The following ARHGAP26 variants were observed in gnomAD, a reference collection of about 807,000 sequenced individuals.
ARHGAP26 encodes the protein Rho GTPase activating protein 26, also known as rho GTPase-activating protein 26.
ARHGAP26 carries 38 observed loss-of-function variants against 104.8 expected under a neutral mutation model. That is an observed-to-expected ratio of 0.36 (90% CI 0.28 to 0.48). ARHGAP26 has a LOEUF of 0.48. Among genes scored for constraint, ARHGAP26 ranks in the 20% least tolerant of loss-of-function variants. ARHGAP26 has a pLI of 0.99. For synonymous variants in ARHGAP26, 341 were observed against 340.0 expected, an observed-to-expected ratio of 1.00 and a Z score of -0.03; for missense variants, 704 against 947.9, an observed-to-expected ratio of 0.74 and a Z score of 3.38.
intron 11 of ARHGAP26, among the ~76,000 whole-genome samples, chr5:142,963,198 A>ACACACACATATATATATGTATATATATG (rs1770683883): frequency 1.0e-5 from 1 of 98,356 alleles, no homozygotes; most frequent in African/African-American, 6.1e-5. Context: ...ATATATATAT[A>ACACACACATATATATATGTATATATATG]TGTGTGTGTG....
intron 17 of ARHGAP26, among the ~76,000 whole-genome samples, chr5:143,061,108 A>G (rs1425617608): frequency 6.6e-6 from 1 of 152,188 alleles, no homozygotes; most frequent in Non-Finnish European, 1.5e-5. Flanking sequence ...TTAGTTTTGC[A>G]TGATTTACTT....
At chr5:143,094,356 C>T (rs547711322) in intron 17 of ARHGAP26, among the ~76,000 whole-genome samples, 1 of 152,130 alleles carries the variant, frequency 6.6e-6, no homozygotes, top group Non-Finnish European at 1.5e-5. Flanking sequence ...TTTTTTCCCT[C>T]GCGTTGCTGA....
chr5:143,081,078 C>T (rs1789741705), intron 17 of ARHGAP26, among the ~76,000 whole-genome samples: 1 of 152,044 alleles, frequency 6.6e-6, no homozygotes, highest in Non-Finnish European at 1.5e-5. Context: ...GAGGTCTTGT[C>T]TTGTTTTATT....
chr5:143,048,241 T>G (rs4912893), intron 14 of ARHGAP26, among the ~76,000 whole-genome samples: 1 of 151,936 alleles, frequency 6.6e-6, no homozygotes, highest in Non-Finnish European at 1.5e-5. Context: ...TTAAACTTTA[T>G]GGTGCATTTG....
At chr5:143,194,320 T>G (rs1324389351) in intron 20 of ARHGAP26, among the ~76,000 whole-genome samples, 4 of 152,182 alleles carry the variant, frequency 2.6e-5, no homozygotes, top group Non-Finnish European at 4.4e-5. Flanking sequence ...TGGACTGGAA[T>G]GGTAAAAGGT....
chr5:142,844,589 G>A (rs762877824), intron 1 of ARHGAP26, among the ~76,000 whole-genome samples: 87 of 151,948 alleles, frequency 5.7e-4, no homozygotes, highest in Non-Finnish European at 9.1e-4. Flanking sequence ...TTTAGGCTGG[G>A]CGTAGTGGCT....
intron 3 of ARHGAP26, among the ~76,000 whole-genome samples, chr5:142,878,557 G>T (rs201430334): frequency 4.8e-5 from 7 of 144,878 alleles, no homozygotes; most frequent in Non-Finnish European, 1.0e-4. Context: ...GTGTGTGTGT[G>T]TATAAATGTG....
At position 143,133,164 on chromosome 5, in the gene ARHGAP26, A is replaced by G. The variant is rs370415054; in HGVS notation, c.1699-803A>G. On this transcript the variant is annotated intron_variant, in intron 18 of 22. Transcript: ENST00000645722. ...AAAGATGAGAGTTGTCATGATTTCTATCATTTTCTTCTCATTTTTTAGCAT... is the reference window on the plus strand; with the variant it reads ...AAAGATGAGAGTTGTCATGATTTCTGTCATTTTCTTCTCATTTTTTAGCAT... Among the ~76,000 whole-genome samples, 12 of 152,318 alleles carry G rather than the reference A, an allele frequency of 7.9e-5. No homozygotes were observed. The South Asian group carries it at 1.4e-3, about 18-fold the overall frequency.
In ARHGAP26 at chr5:142,828,144, C is replaced by T. The variant is rs578086857; in HGVS notation, c.155-45256C>T. On this transcript the variant is annotated intron_variant, in intron 1 of 22. Coordinates refer to ENST00000645722, the MANE Select transcript of ARHGAP26 (RefSeq NM_001135608.3). ...ATTGTTTCCTTATCAGGCCCTCAACCTGGACCTCCCTGGGAGCCGCTGGCA... is the reference window on the plus strand; with the variant it reads ...ATTGTTTCCTTATCAGGCCCTCAACTTGGACCTCCCTGGGAGCCGCTGGCA... Among the ~76,000 whole-genome samples the T allele has an allele frequency of 4.6e-5, 7 of 152,290 alleles. No individual in the cohort carries two copies. The East Asian group carries it at 1.3e-3, about 29-fold the overall frequency.
At chr5:142,971,036 G>C (rs143263644) in intron 11 of ARHGAP26, among the ~76,000 whole-genome samples, 3,185 of 152,278 alleles carry the variant, frequency 0.021, 35 homozygotes, top group Non-Finnish European at 0.033. Context: ...AAATTTTTTA[G>C]GTGGCATTGG....
chr5:142,896,063 G>A (rs1049472832), intron 6 of ARHGAP26, among the ~76,000 whole-genome samples: 2 of 152,146 alleles, frequency 1.3e-5, no homozygotes, highest in African/African-American at 4.8e-5. Context: ...GGGTCTGTTA[G>A]GTGTGAGCAG....
At chr5:143,212,822 C>G (rs1172880686) in intron 21 of ARHGAP26, among the ~76,000 whole-genome samples, 5 of 152,188 alleles carry the variant, frequency 3.3e-5, no homozygotes, top group Non-Finnish European at 5.9e-5. Context: ...CCTCACTGCA[C>G]GTTGGAATTA....
At chr5:143,057,318 C>T (rs536888432) in intron 16 of ARHGAP26, among the ~76,000 whole-genome samples, 1 of 152,212 alleles carries the variant, frequency 6.6e-6, no homozygotes, top group Non-Finnish European at 1.5e-5. Flanking sequence ...TGAAGTCTTC[C>T]CTCTAGGGAG....
chr5:142,900,400 C>G (rs979733119), intron 6 of ARHGAP26, among the ~76,000 whole-genome samples: 1 of 152,168 alleles, frequency 6.6e-6, no homozygotes, highest in Non-Finnish European at 1.5e-5. Context: ...AATGCCTACT[C>G]TCCCACCACC....
At chr5:142,891,972 G>A (rs1320037524) in intron 5 of ARHGAP26, among the ~76,000 whole-genome samples, 1 of 151,900 alleles carries the variant, frequency 6.6e-6, no homozygotes, top group African/African-American at 2.4e-5. Flanking sequence ...AACTCCATAC[G>A]TGGAGTTTCT....
chr5:143,135,956 C>G (rs2150911558), intron 19 of ARHGAP26, among the ~76,000 whole-genome samples: 1 of 152,316 alleles, frequency 6.6e-6, no homozygotes, highest in South Asian at 2.1e-4. Context: ...ACTGGCCTCA[C>G]TCACACCTGC....
In ARHGAP26 at chr5:142,895,931, G is replaced by A. The variant is rs569497018; in HGVS notation, c.597+1583G>A. On this transcript the variant is annotated intron_variant, in intron 6 of 22. Coordinates refer to ENST00000645722, the MANE Select transcript of ARHGAP26 (RefSeq NM_001135608.3). The stretch of plus-strand genomic sequence containing the variant: ...ATACCACTCCCAGCTACCTCATTTG[G>A]CAGATTCCTTAAAGTCGTCAATTAC... Among the ~76,000 whole-genome samples, 27 of 152,256 alleles carry A rather than the reference G, an allele frequency of 1.8e-4. No homozygotes were observed. In the South Asian group the frequency reaches 5.6e-3, roughly 32 times the overall value.
intron 10 of ARHGAP26, among the ~76,000 whole-genome samples, chr5:142,927,974 T>C (rs1764157118): frequency 6.6e-6 from 1 of 152,246 alleles, no homozygotes; most frequent in South Asian, 2.1e-4. Context: ...TATGAAGTGC[T>C]TATTCAAGTA....
chr5:142,973,595 G>A (rs2152706925), intron 11 of ARHGAP26, among the ~76,000 whole-genome samples: 1 of 152,226 alleles, frequency 6.6e-6, no homozygotes, highest in East Asian at 1.9e-4. Flanking sequence ...TAAAATAACA[G>A]TCCTAAAAGT....
Sources: gnomAD v4.1 joint callset for allele counts (sites outside exome capture counted in the v4.1 genomes callset) on GRCh38, gnomAD v4.1.1 for gene constraint, MANE v1.5 for transcripts, NCBI Gene and HGNC (gene_info 2026-07-23, HGNC 2026-07-21) for gene names.